The following PARP4 variants were observed in gnomAD, a reference collection of about 807,000 sequenced individuals.
The protein encoded by PARP4 is protein mono-ADP-ribosyltransferase PARP4.
PARP4 carries 120 observed loss-of-function variants against 187.7 expected under a neutral mutation model. That is an observed-to-expected ratio of 0.64 (90% confidence interval 0.55 to 0.74). PARP4 has a LOEUF of 0.74. Among genes scored for constraint, PARP4 ranks in the 30% least tolerant of loss-of-function variants. The pLI, the probability that PARP4 is intolerant of heterozygous loss-of-function variation, is 0.00. For synonymous variants in PARP4, 654 were observed against 740.9 expected (o/e 0.88, Z 1.90); for missense variants, 1,836 against 2,070.5 (o/e 0.89, Z 2.20).
At chr13:24,436,658 A>G (rs1050119494) in intron 30 of PARP4, among the ~76,000 whole-genome samples, 7 of 151,030 alleles carry the variant, frequency 4.6e-5, no homozygotes, top group African/African-American at 1.7e-4. Flanking sequence ...GAACATGAAC[A>G]ATATGTATGT....
chr13:24,479,663 C>A (rs1198175635), intron 12 of PARP4, among the ~76,000 whole-genome samples: 2 of 152,106 alleles, frequency 1.3e-5, no homozygotes, highest in African/African-American at 4.8e-5. Flanking sequence ...GGATTGTAAA[C>A]GCACCAATCA....
chr13:24,470,457 C>G (rs978106323), intron 15 of PARP4, among the ~76,000 whole-genome samples: 5 of 152,186 alleles, frequency 3.3e-5, no homozygotes, highest in African/African-American at 1.2e-4. Flanking sequence ...TGTGGCTTTC[C>G]CCCTCTCTAC....
chr13:24,501,977 A>G, intron 2 of PARP4, 143 bp from the exon 3 acceptor site: 1 of 595,060 alleles, frequency 1.7e-6, no homozygotes, highest in Non-Finnish European at 2.9e-6. Context: ...CTCTATAAAT[A>G]TCACAGTTTC....
At chr13:24,439,310 G>A (rs1260325099) in intron 30 of PARP4, among the ~76,000 whole-genome samples, 2 of 130,820 alleles carry the variant, frequency 1.5e-5, no homozygotes, top group Admixed American at 8.4e-5. Context: ...CTGGGCAACA[G>A]AGTAAGACCC....
chr13:24,443,974 G>A (rs1472286572), intron 27 of PARP4, among the ~76,000 whole-genome samples: 1 of 152,176 alleles, frequency 6.6e-6, no homozygotes, highest in Non-Finnish European at 1.5e-5. Flanking sequence ...TCAAGCCCTG[G>A]CAGCTCCTCA....
At chr13:24,504,814 C>G (rs1374258888) in intron 1 of PARP4, among the ~76,000 whole-genome samples, 1 of 151,736 alleles carries the variant, frequency 6.6e-6, no homozygotes, top group African/African-American at 2.4e-5. Context: ...CTGCCTCGGT[C>G]TCCCAAGTAG....
At chr13:24,502,046 C>A (rs1869327263) in intron 2 of PARP4, among the ~76,000 whole-genome samples, 2 of 152,116 alleles carry the variant, frequency 1.3e-5, no homozygotes, top group Non-Finnish European at 2.9e-5. Context: ...ACGAATGCAC[C>A]ATAATTGATT....
intron 17 of PARP4, 41 bp from the exon 18 acceptor site, chr13:24,460,177 A>T (rs1368676897): frequency 6.5e-7 from 1 of 1,543,830 alleles, no homozygotes; most frequent in African/African-American, 1.4e-5. Flanking sequence ...ACTTGAAAGC[A>T]TACCCATTAT....
At chr13:24,453,987 G>T (rs2137472852) in intron 22 of PARP4, among the ~76,000 whole-genome samples, 1 of 151,936 alleles carries the variant, frequency 6.6e-6, no homozygotes, top group East Asian at 1.9e-4. Flanking sequence ...GTGGTGGTGA[G>T]CACTGTAATC....
intron 30 of PARP4, among the ~76,000 whole-genome samples, chr13:24,438,976 T>G (rs1870780241): frequency 6.8e-6 from 1 of 147,554 alleles, no homozygotes; most frequent in South Asian, 2.1e-4. Context: ...CATGGTCCGT[T>G]CAAACAACTT....
intron 27 of PARP4, among the ~76,000 whole-genome samples, chr13:24,445,595 C>G (rs1363293184): frequency 2.6e-5 from 4 of 152,184 alleles, no homozygotes; most frequent in African/African-American, 9.7e-5. Flanking sequence ...AGCTCCTGTG[C>G]TTGGGACTAT....
In PARP4 at chr13:24,476,166, T is replaced by C. The variant is rs558316413; in HGVS notation, c.1790-570A>G. ...TTCTTTTTTTTTTCTTTGGTAGAGA[T>C]TGGAGTTTCACTATGTTGCCCAGGC... On this transcript the variant is annotated intron_variant, in intron 14 of 33. Transcript: ENST00000381989. Among the ~76,000 whole-genome samples the C allele has an allele frequency of 4.3e-4, 66 of 151,860 alleles. 1 individual carries two copies. Among genetic ancestry groups the C allele is most frequent in the East Asian group, 7.7e-4 (4 of 5,166 alleles).
intron 28 of PARP4, 112 bp downstream of exon 28, chr13:24,443,538 C>A (rs1350632074): frequency 2.8e-6 from 2 of 711,218 alleles, no homozygotes; most frequent in Non-Finnish European, 4.9e-6. Flanking sequence ...AATGCCCTGA[C>A]ACCAGTCTCC....
chr13:24,500,141 T>G (rs1316286178), intron 4 of PARP4, among the ~76,000 whole-genome samples, 175 bp downstream of exon 4: 1 of 152,042 alleles, frequency 6.6e-6, no homozygotes, highest in Non-Finnish European at 1.5e-5. Flanking sequence ...TTTAAAATAA[T>G]GATCACTATA....
chr13:24,449,448 C>T (rs1433970600), intron 25 of PARP4, among the ~76,000 whole-genome samples: 2 of 149,174 alleles, frequency 1.3e-5, no homozygotes, highest in African/African-American at 4.9e-5. Context: ...GAAACAATTT[C>T]AGCAAAACAT....
chr13:24,458,692 A>G (rs561376975), intron 20 of PARP4, among the ~76,000 whole-genome samples: 1 of 152,280 alleles, frequency 6.6e-6, no homozygotes, highest in South Asian at 2.1e-4. Flanking sequence ...GGTCTTTTGG[A>G]ATGAAGGGGA....
chr13:24,499,222 C>T, intron 5 of PARP4, 79 bp downstream of exon 5: 3 of 1,407,058 alleles, frequency 2.1e-6, no homozygotes, highest in South Asian at 1.7e-5. Context: ...AGAAAATGAC[C>T]GAATAGGAAA....
chr13:24,455,329 G>A (rs1871766616), intron 21 of PARP4, 117 bp from the exon 22 acceptor site: 2 of 595,486 alleles, frequency 3.4e-6, no homozygotes, highest in Non-Finnish European at 5.4e-6. Flanking sequence ...AAAACAGAAA[G>A]AATAAGATGT....
intron 6 of PARP4, among the ~76,000 whole-genome samples, chr13:24,495,629 C>A (rs544896458): frequency 2.6e-5 from 4 of 152,254 alleles, no homozygotes; most frequent in African/African-American, 9.6e-5. Flanking sequence ...TCTGGAAGAA[C>A]CTGCCCCAGC....
Sources: gnomAD v4.1 joint callset for allele counts (sites outside exome capture counted in the v4.1 genomes callset) on GRCh38, gnomAD v4.1.1 for gene constraint, MANE v1.5 for transcripts, NCBI Gene and HGNC (gene_info 2026-07-23, HGNC 2026-07-21) for gene names.